Variants in ARHGAP24 observed in about 807,000 individuals in gnomAD.
ARHGAP24 encodes the protein Rho GTPase activating protein 24.
A neutral mutation model predicts 76.4 loss-of-function variants in ARHGAP24; 50 were observed. The observed-to-expected ratio is 0.65, with a 90% CI of 0.52 to 0.83. The LOEUF is 0.83. Among genes scored for constraint, ARHGAP24 ranks in the 40% least tolerant of loss-of-function variants. ARHGAP24 has a pLI of 0.00. For synonymous variants in ARHGAP24, 345 were observed against 323.3 expected, an observed-to-expected ratio of 1.07 and a Z score of -0.72; for missense variants, 930 against 914.2, an observed-to-expected ratio of 1.02 and a Z score of -0.22.
chr4:85,973,833 G>GTTTTGT (rs1739137229), intron 6 of ARHGAP24, among the ~76,000 whole-genome samples: 1 of 42,820 alleles, frequency 2.3e-5, no homozygotes, highest in South Asian at 1.1e-3. Context: ...GCTGCCTATT[G>GTTTTGT]TTTTTTTTTT....
chr4:85,714,354 A>T (rs17010670), intron 2 of ARHGAP24, among the ~76,000 whole-genome samples: 1 of 152,156 alleles, frequency 6.6e-6, no homozygotes, highest in Non-Finnish European at 1.5e-5. Context: ...GTCTCCTAGG[A>T]TCTGAATACC....
intron 3 of ARHGAP24, among the ~76,000 whole-genome samples, chr4:85,842,690 AG>A (rs1461606553): frequency 6.6e-6 from 1 of 152,226 alleles, no homozygotes; most frequent in East Asian, 1.9e-4. Context: ...GTTTGTAGAA[AG>A]CCTGTGATGT....
intron 2 of ARHGAP24, among the ~76,000 whole-genome samples, chr4:85,600,248 A>G (rs1719988811): frequency 1.3e-5 from 2 of 152,212 alleles, no homozygotes; most frequent in Non-Finnish European, 1.5e-5. Context: ...GGGCTAGAGA[A>G]GAGTCTGTGG....
At chr4:85,690,981 G>T (rs1414208252) in intron 2 of ARHGAP24, among the ~76,000 whole-genome samples, 7 of 151,872 alleles carry the variant, frequency 4.6e-5, no homozygotes, top group African/African-American at 1.7e-4. Context: ...GAAGGTGTTT[G>T]GTGCTATAAA....
chr4:85,549,534 TAA>T (rs1202103741), intron 1 of ARHGAP24, among the ~76,000 whole-genome samples: 11 of 152,120 alleles, frequency 7.2e-5, no homozygotes, highest in African/African-American at 2.7e-4. Context: ...ATTATGGATA[TAA>T]GTTTTTTTAA....
intron 4 of ARHGAP24, among the ~76,000 whole-genome samples, chr4:85,936,860 C>T (rs1015898543): frequency 6.6e-6 from 1 of 152,130 alleles, no homozygotes; most frequent in Non-Finnish European, 1.5e-5. Context: ...ACAAGCAATA[C>T]ATAGTTCAGC....
At position 85,728,919 on chromosome 4, in the gene ARHGAP24, CAT is replaced by C. The variant is rs1459731525; in HGVS notation, c.268+6952_268+6953del. Among the ~76,000 whole-genome samples the C allele has an allele frequency of 2.6e-5, 4 of 152,294 alleles. No homozygotes were observed. The East Asian group carries it at 5.8e-4, about 22-fold the overall frequency. Reference sequence around the variant, plus strand: ...TTTGAAAATGTAAGCCAATATTTGACATATATTTTATATGAAAATGTAGGAAT... The same window carrying C: ...TTTGAAAATGTAAGCCAATATTTGACATATTTTATATGAAAATGTAGGAAT... On this transcript the variant is annotated intron_variant, in intron 3 of 9. Coordinates refer to ENST00000395184, the MANE Select transcript of ARHGAP24 (RefSeq NM_001025616.3).
chr4:85,764,097 G>A (rs1265535372), intron 3 of ARHGAP24, among the ~76,000 whole-genome samples: 2 of 151,876 alleles, frequency 1.3e-5, no homozygotes, highest in Non-Finnish European at 2.9e-5. Flanking sequence ...ATGTCATGCT[G>A]AATACCAAGG....
intron 3 of ARHGAP24, among the ~76,000 whole-genome samples, chr4:85,902,804 A>G (rs1734575324): frequency 6.6e-6 from 1 of 152,144 alleles, no homozygotes; most frequent in Admixed American, 6.5e-5. Context: ...AGTTTTTGCC[A>G]TGTTGGCCAG....
intron 3 of ARHGAP24, among the ~76,000 whole-genome samples, chr4:85,762,070 A>T (rs907251135): frequency 6.6e-6 from 1 of 152,198 alleles, no homozygotes; most frequent in African/African-American, 2.4e-5. Context: ...GTAAGTATAA[A>T]TACATCCCAT....
intron 1 of ARHGAP24, among the ~76,000 whole-genome samples, chr4:85,547,587 C>A (rs1358986593): frequency 6.6e-6 from 1 of 152,130 alleles, no homozygotes; most frequent in Non-Finnish European, 1.5e-5. Flanking sequence ...AGTCACGCAC[C>A]ACCATGCCCA....
At chr4:85,493,715 A>G (rs533272457) in intron 1 of ARHGAP24, among the ~76,000 whole-genome samples, 1 of 152,300 alleles carries the variant, frequency 6.6e-6, no homozygotes, top group South Asian at 2.1e-4. Flanking sequence ...AAGACACCAG[A>G]TTTCTGTTAT....
intron 3 of ARHGAP24, among the ~76,000 whole-genome samples, chr4:85,871,693 T>C (rs1732531376): frequency 1.3e-5 from 2 of 152,144 alleles, no homozygotes; most frequent in Non-Finnish European, 2.9e-5. Flanking sequence ...TATGACCACA[T>C]GAGCACATTG....
chr4:85,813,014 A>G (rs111496203), intron 3 of ARHGAP24, among the ~76,000 whole-genome samples: 4,528 of 152,238 alleles, frequency 0.03, 102 homozygotes, highest in Non-Finnish European at 0.041. Flanking sequence ...TGTCAACCAG[A>G]AAACAGTTTC....
intron 3 of ARHGAP24, among the ~76,000 whole-genome samples, chr4:85,820,191 T>C (rs1729409927): frequency 6.6e-6 from 1 of 152,210 alleles, no homozygotes; most frequent in African/African-American, 2.4e-5. Context: ...ATGCATATGT[T>C]CATCACAGCA....
At chr4:85,584,533 T>C (rs906350612) in intron 2 of ARHGAP24, among the ~76,000 whole-genome samples, 39 of 151,940 alleles carry the variant, frequency 2.6e-4, no homozygotes, top group African/African-American at 8.2e-4. Context: ...ATGACACATG[T>C]ATACATATGT....
At chr4:85,991,977 T>G (rs1740357043) in intron 8 of ARHGAP24, 2 of 392,376 alleles carry the variant, frequency 5.1e-6, no homozygotes, top group Non-Finnish European at 4.5e-6. Context: ...TAGCCAATGC[T>G]TATGATGAAA....
chr4:85,745,212 G>C (rs1189559739), intron 3 of ARHGAP24, among the ~76,000 whole-genome samples: 1 of 151,550 alleles, frequency 6.6e-6, no homozygotes, highest in African/African-American at 2.4e-5. Context: ...GCCGTGGCAG[G>C]AGAAACACTT....
intron 1 of ARHGAP24, among the ~76,000 whole-genome samples, chr4:85,493,991 G>C (rs1723458789): frequency 6.6e-6 from 1 of 151,998 alleles, no homozygotes; most frequent in Non-Finnish European, 1.5e-5. Flanking sequence ...TTTGTGCTTT[G>C]ACCTACAAGG....
Sources: allele counts gnomAD v4.1 joint callset (sites outside exome capture counted in the v4.1 genomes callset), GRCh38; gene constraint gnomAD v4.1.1; transcripts MANE v1.5; gene names NCBI Gene and HGNC (gene_info 2026-07-23, HGNC 2026-07-21).